PPP1R12B: variants seen among roughly 807,000 people sequenced by gnomAD.
PPP1R12B encodes the protein myosin phosphatase target subunit 2.
Under a neutral mutation model 126.1 loss-of-function variants are expected in PPP1R12B, and 76 were observed. That is an observed-to-expected ratio of 0.60 (90% CI 0.50 to 0.73). The LOEUF (loss-of-function observed/expected upper bound fraction) is 0.73, where lower values mean the gene tolerates loss of function less well. Among genes scored for constraint, PPP1R12B ranks in the 30% least tolerant of loss-of-function variants. The probability of loss-of-function intolerance (pLI) is 0.00; values close to 1 mark genes in which losing one functional copy is unlikely to be tolerated. For synonymous variants in PPP1R12B, 356 were observed against 434.7 expected (o/e 0.82, Z 2.25); for missense variants, 1,052 against 1,205.1 (o/e 0.87, Z 1.88).
chr1:202,361,038 C>T (rs1658103052), intron 1 of PPP1R12B, among the ~76,000 whole-genome samples: 1 of 151,860 alleles, frequency 6.6e-6, no homozygotes. Flanking sequence ...CTACAGGTGC[C>T]CGCCACCACA....
chr1:202,500,633 G>A (rs1391332477), intron 18 of PPP1R12B, among the ~76,000 whole-genome samples: 1 of 152,108 alleles, frequency 6.6e-6, no homozygotes, highest in Admixed American at 6.5e-5. Context: ...ATTACAGGTA[G>A]GGGGAATAAG....
intron 5 of PPP1R12B, 140 bp from the exon 6 acceptor site, chr1:202,428,715 A>G (rs1175200985): frequency 5.9e-6 from 4 of 673,530 alleles, no homozygotes; most frequent in African/African-American, 3.7e-5. Context: ...TGTTATCATA[A>G]TGTATGGTAG....
At chr1:202,441,817 A>G (rs1671654855) in intron 11 of PPP1R12B, among the ~76,000 whole-genome samples, 1 of 151,880 alleles carries the variant, frequency 6.6e-6, no homozygotes, top group Non-Finnish European at 1.5e-5. Flanking sequence ...TGCTTAACTT[A>G]AAAGCCACGT....
intron 1 of PPP1R12B, among the ~76,000 whole-genome samples, chr1:202,361,633 T>G (rs1658233939): frequency 6.6e-6 from 1 of 152,230 alleles, no homozygotes; most frequent in Non-Finnish European, 1.5e-5. Context: ...ATCATTCCCC[T>G]TATTTTGAAA....
At chr1:202,478,835 T>G (rs773141939) in intron 13 of PPP1R12B, among the ~76,000 whole-genome samples, 3 of 152,218 alleles carry the variant, frequency 2.0e-5, no homozygotes, top group Admixed American at 2.0e-4. Flanking sequence ...TTCCTGATCT[T>G]ACCTACCAGG....
intron 18 of PPP1R12B, among the ~76,000 whole-genome samples, chr1:202,501,474 C>T (rs1424281622): frequency 6.6e-6 from 1 of 152,148 alleles, no homozygotes; most frequent in African/African-American, 2.4e-5. Flanking sequence ...GAATTTATCA[C>T]TAGAGGGCAC....
intron 1 of PPP1R12B, among the ~76,000 whole-genome samples, chr1:202,361,590 A>G (rs973045220): frequency 6.6e-6 from 1 of 152,198 alleles, no homozygotes; most frequent in African/African-American, 2.4e-5. Flanking sequence ...ACATTTCAAC[A>G]TGAAATTTGG....
At chr1:202,435,023 G>A (rs111996626) in intron 9 of PPP1R12B, among the ~76,000 whole-genome samples, 96 of 152,174 alleles carry the variant, frequency 6.3e-4, no homozygotes, top group African/African-American at 2.0e-3. Context: ...CTTTCTTGAC[G>A]TGAATATAAC....
rs940626062 is a variant in PPP1R12B at position 202,348,990 on chromosome 1, A to G, written c.139A>G (p.Thr47Ala). Residue 47 changes from threonine to alanine, a missense_variant, in exon 1 of 24, where the codon ACC (threonine) becomes GCC (alanine). Transcript: ENST00000608999. ...ERRGAGRQPL[T>A]RRGSPRVRFE... ...ACGAGGCGCGGGGCGGCAGCCGCTG[A>G]CCAGGCGCGGGAGCCCCAGGGTCCG... 6.2e-7 allele frequency: 1 copy of G among 1,606,136 alleles called. No individual in the cohort carries two copies. The highest frequency in any genetic ancestry group is 8.5e-7 in the Non-Finnish European group (1 of 1,176,920).
intron 18 of PPP1R12B, among the ~76,000 whole-genome samples, chr1:202,522,920 A>T (rs1682924340): frequency 6.6e-6 from 1 of 152,252 alleles, no homozygotes; most frequent in Non-Finnish European, 1.5e-5. Context: ...AAACCGACAG[A>T]ATTATCAAGA....
chr1:202,580,437 C>T (rs1190863639), intron 23 of PPP1R12B, 37 bp from the exon 24 acceptor site: 1 of 1,560,312 alleles, frequency 6.4e-7, no homozygotes. Context: ...AGGATCCTGC[C>T]AGGCTCTAAC....
At chr1:202,505,453 C>G (rs1313776034) in intron 18 of PPP1R12B, among the ~76,000 whole-genome samples, 1 of 152,162 alleles carries the variant, frequency 6.6e-6, no homozygotes, top group Non-Finnish European at 1.5e-5. Context: ...TCCTTTCTCT[C>G]GAGCAGAATT....
chr1:202,559,094 G>A (rs556986325), intron 19 of PPP1R12B, among the ~76,000 whole-genome samples: 3 of 152,088 alleles, frequency 2.0e-5, no homozygotes, highest in African/African-American at 4.8e-5. Context: ...TTACCTTCCT[G>A]CTTCCAGATT....
At chr1:202,515,098 C>T (rs928791954) in intron 18 of PPP1R12B, among the ~76,000 whole-genome samples, 1 of 152,084 alleles carries the variant, frequency 6.6e-6, no homozygotes, top group African/African-American at 2.4e-5. Flanking sequence ...GTGATGAGAA[C>T]TTATGAACAC....
chr1:202,460,004 A>G (rs1322270310), intron 13 of PPP1R12B, among the ~76,000 whole-genome samples: 1 of 152,238 alleles, frequency 6.6e-6, no homozygotes, highest in Non-Finnish European at 1.5e-5. Flanking sequence ...AGCTGTCACA[A>G]TAGGGTAGTG....
chr1:202,426,936 G>A, intron 4 of PPP1R12B, 104 bp from the exon 5 acceptor site: 1 of 1,479,904 alleles, frequency 6.8e-7, no homozygotes, highest in South Asian at 1.4e-5. Flanking sequence ...TAAGACCCCT[G>A]TGGTTCAGGG....
rs1306640392 is a variant in PPP1R12B, at chr1:202,587,922, ATCCAGAATACC to A, written c.*7366_*7376del. On this transcript the variant is annotated 3_prime_UTR_variant, in exon 24 of 24. Transcript: ENST00000608999. Reference sequence around the variant, plus strand: ...GAGAGGGTTCTGAGAGGAGGCAGCAATCCAGAATACCTCCTTTTCTAGCCAGCATCCCTTGA... The same window carrying A: ...GAGAGGGTTCTGAGAGGAGGCAGCAATCCTTTTCTAGCCAGCATCCCTTGA... 4 of 152,326 alleles carry A rather than the reference ATCCAGAATACC, an allele frequency of 2.6e-5. No homozygotes were observed. The highest frequency in any genetic ancestry group is 7.2e-5 in the African/African-American group (3 of 41,568). 9.4% of individuals were successfully genotyped at this position (152,326 alleles called of 1,614,324 possible).
At chr1:202,558,286 C>T (rs1572502170) in intron 18 of PPP1R12B, among the ~76,000 whole-genome samples, 1 of 151,790 alleles carries the variant, frequency 6.6e-6, no homozygotes, top group Non-Finnish European at 1.5e-5. Context: ...TTTGAGACCT[C>T]AGAGTACCTA....
At chr1:202,558,673 G>A (rs1354069253) in intron 18 of PPP1R12B, 1 of 507,682 alleles carries the variant, frequency 2.0e-6, no homozygotes, top group African/African-American at 2.0e-5. Flanking sequence ...GGCATGCAAA[G>A]AAGTGTGAAC....
Sources: allele counts gnomAD v4.1 joint callset (sites outside exome capture counted in the v4.1 genomes callset), GRCh38; gene constraint gnomAD v4.1.1; transcripts MANE v1.5; gene names NCBI Gene and HGNC (gene_info 2026-07-23, HGNC 2026-07-21).